MAP2K5: variants seen among roughly 807,000 people sequenced by gnomAD.
The protein encoded by MAP2K5 is dual specificity mitogen-activated protein kinase kinase 5.
In MAP2K5, 49 loss-of-function variants were observed where a neutral mutation model predicts 83.1. The ratio of observed to expected loss-of-function variants is 0.59; its 90% CI spans 0.47 to 0.75. The LOEUF (loss-of-function observed/expected upper bound fraction) is 0.75, where lower values mean the gene tolerates loss of function less well. Among genes scored for constraint, MAP2K5 ranks in the 30% least tolerant of loss-of-function variants. The pLI is 0.00. For missense variants in MAP2K5, 457 were observed against 557.5 expected (o/e 0.82, Z 1.82); for synonymous variants, 202 against 191.8 (o/e 1.05, Z -0.44).
Position 67,586,908 on chromosome 15 carries a change from C to T in MAP2K5, c.426C>T (p.Ser142=). 6.2e-7 allele frequency: 1 copy of T among 1,614,048 alleles called. No individual in the cohort carries two copies. The highest frequency in any genetic ancestry group is 8.5e-7 in the Non-Finnish European group (1 of 1,180,002). Residue 142 remains serine, a synonymous_variant, in exon 6 of 22, where the codon AGC becomes AGT. Transcript: ENST00000178640. ...SSPAVSDSLP[S]NSLKKSSAEL... is the part of the protein sequence containing the mutation. The stretch of plus-strand genomic sequence containing the variant: ...CAGCAGTCTCAGATTCACTTCCAAG[C>T]AATAGGTGCGAGCGAGCAAGTAAAG...
Position 67,783,637 on chromosome 15 carries a change from C to T in MAP2K5, c.1242+10885C>T, listed in dbSNP as rs62015218. On this transcript the variant is annotated intron_variant, in intron 21 of 21. Transcript: ENST00000178640. This position sits in a 1 kb window ranked among gnomAD's most constrained non-coding sequence, Gnocchi z 5.1. ...GTCAATAAAAGAGACCACAACCCCT[C>T]GAGGAAGAGATCATGTCTTATCTTT... Among the ~76,000 whole-genome samples, 4,643 of 152,212 alleles carry T rather than the reference C, an allele frequency of 0.031. 119 individuals carry two copies. Among genetic ancestry groups the T allele is most frequent in the African/African-American group, 0.068 (2,815 of 41,522 alleles).
chr15:67,608,205 G>T (rs1043007823), intron 8 of MAP2K5, among the ~76,000 whole-genome samples: 2 of 152,116 alleles, frequency 1.3e-5, no homozygotes, highest in African/African-American at 4.8e-5. Context: ...TAACATCAGG[G>T]ACTGACATAG....
intron 8 of MAP2K5, among the ~76,000 whole-genome samples, chr15:67,624,153 C>T (rs2086254527): frequency 1.3e-5 from 2 of 151,372 alleles, no homozygotes; most frequent in Admixed American, 1.3e-4. Flanking sequence ...TCCTGGCTAA[C>T]ACAGTGAAAC....
intron 3 of MAP2K5, among the ~76,000 whole-genome samples, chr15:67,566,745 A>G (rs949874626): frequency 1.3e-5 from 2 of 152,222 alleles, no homozygotes; most frequent in East Asian, 1.9e-4. Context: ...GGCCAGTACA[A>G]GTGTACATTT....
intron 8 of MAP2K5, among the ~76,000 whole-genome samples, chr15:67,626,286 G>A (rs2086319056): frequency 6.6e-6 from 1 of 152,136 alleles, no homozygotes; most frequent in Non-Finnish European, 1.5e-5. Flanking sequence ...AGTTTGGGAG[G>A]CCGAGGCTGG....
Position 67,806,915 on chromosome 15 carries a change from T to C in MAP2K5, c.*165T>C, listed in dbSNP as rs2090823752. The C allele has an allele frequency of 1.3e-6, 2 of 1,590,308 alleles. No homozygotes were observed. The highest frequency in any genetic ancestry group is 1.3e-5 in the African/African-American group (1 of 74,800). ...AGGTGGCCTTGCCTGGGGAGCCCCA[T>C]GTGTGGCCCACCCCACCAGGCCATC... On this transcript the variant is annotated 3_prime_UTR_variant, in exon 22 of 22. Coordinates refer to ENST00000178640, the MANE Select transcript of MAP2K5 (RefSeq NM_145160.3).
At chr15:67,627,633 C>T (rs969161085) in intron 8 of MAP2K5, among the ~76,000 whole-genome samples, 9 of 152,140 alleles carry the variant, frequency 5.9e-5, no homozygotes, top group Non-Finnish European at 7.3e-5. Context: ...CTCTTAATAA[C>T]TAAATCATTT....
At position 67,700,456 on chromosome 15, in the gene MAP2K5, A is replaced by C. The variant is rs80200213; in HGVS notation, c.973-2881A>C. Among the ~76,000 whole-genome samples the C allele has an allele frequency of 7.7e-3, 1,179 of 152,316 alleles. 8 individuals are homozygous for C. The highest frequency in any genetic ancestry group is 0.016 in the Admixed American group (251 of 15,296). ...AGCTGTCATGTGAGAGAGTAACCTCAGTTTTAGCTTTTTAACTGCTAAATA... is the reference window on the plus strand; with the variant it reads ...AGCTGTCATGTGAGAGAGTAACCTCCGTTTTAGCTTTTTAACTGCTAAATA... On this transcript the variant is annotated intron_variant, in intron 15 of 21. Transcript: ENST00000178640.
rs916435819 is a variant in MAP2K5 at position 67,750,074 on chromosome 15, T to C, written c.1134+1473T>C. On this transcript the variant is annotated intron_variant, in intron 19 of 21. Transcript: ENST00000178640. This position sits in a 1 kb window ranked among gnomAD's most constrained non-coding sequence, Gnocchi z 4.2. ...CATTCCTTATTTAAAGTAACAGTTATTGCTGTTCAATTTAAAATATCTTAC... is the reference window on the plus strand; with the variant it reads ...CATTCCTTATTTAAAGTAACAGTTACTGCTGTTCAATTTAAAATATCTTAC... 6.6e-6 allele frequency among the ~76,000 whole-genome samples: 1 copy of C among 152,262 alleles called. No homozygotes were observed. The highest frequency in any genetic ancestry group is 6.5e-5 in the Admixed American group (1 of 15,290).
At chr15:67,602,934 G>C (rs949696745) in intron 8 of MAP2K5, among the ~76,000 whole-genome samples, 1 of 152,216 alleles carries the variant, frequency 6.6e-6, no homozygotes, top group Non-Finnish European at 1.5e-5. Context: ...TTACAGGAGT[G>C]AGCCACCAGA....
rs867325181 is a variant in MAP2K5 at position 67,592,802 on chromosome 15, G to A, written c.432-124G>A. The A allele has an allele frequency of 2.6e-5, 17 of 663,062 alleles. No individual in the cohort carries two copies. The Middle Eastern group carries it at 9.9e-4, about 38-fold the overall frequency. 41.1% of individuals were successfully genotyped at this position (663,062 alleles called of 1,614,324 possible). A position where few individuals can be genotyped will look rare whatever the true frequency, so the allele number is the denominator to read the frequency against. On this transcript the variant is annotated intron_variant, in intron 6 of 21. Coordinates refer to ENST00000178640, the MANE Select transcript of MAP2K5 (RefSeq NM_145160.3). ...CTTTTGAAAAAAATTTACATTGGGA[G>A]AAGGATGTGAAGAATATGCTCAATC...
At chr15:67,612,713 A>G (rs2085955223) in intron 8 of MAP2K5, among the ~76,000 whole-genome samples, 1 of 152,222 alleles carries the variant, frequency 6.6e-6, no homozygotes, top group African/African-American at 2.4e-5. Context: ...GCCTCTCTCC[A>G]GCCTGACAAA....
chr15:67,683,215 A>G (rs1209844442), intron 13 of MAP2K5, among the ~76,000 whole-genome samples: 1 of 152,208 alleles, frequency 6.6e-6, no homozygotes, highest in African/African-American at 2.4e-5. Flanking sequence ...GCTATATACT[A>G]GGATTGTTGA....
chr15:67,686,036 T>C (rs1303135730), intron 13 of MAP2K5, among the ~76,000 whole-genome samples: 1 of 152,132 alleles, frequency 6.6e-6, no homozygotes, highest in Non-Finnish European at 1.5e-5. Flanking sequence ...TAGTAGAGAT[T>C]AGTGGAATGC....
At chr15:67,590,309 T>G (rs2085371107) in intron 6 of MAP2K5, among the ~76,000 whole-genome samples, 1 of 152,178 alleles carries the variant, frequency 6.6e-6, no homozygotes, top group Non-Finnish European at 1.5e-5. Flanking sequence ...AAATGTAACC[T>G]ATTAAAGGTG....
intron 11 of MAP2K5, among the ~76,000 whole-genome samples, chr15:67,657,238 A>G (rs2087106344): frequency 6.6e-6 from 1 of 152,156 alleles, no homozygotes; most frequent in Non-Finnish European, 1.5e-5. Flanking sequence ...GCCCTGATTT[A>G]TATCCTTGGT....
intron 16 of MAP2K5, among the ~76,000 whole-genome samples, chr15:67,707,196 T>G (rs1225743985): frequency 1.5e-4 from 23 of 152,232 alleles, no homozygotes. Flanking sequence ...ATTACAGGCG[T>G]GAGCCACCAT....
At chr15:67,642,049 T>G (rs530051379) in intron 9 of MAP2K5, among the ~76,000 whole-genome samples, 1 of 152,336 alleles carries the variant, frequency 6.6e-6, no homozygotes, top group Non-Finnish European at 1.5e-5. Context: ...TGGAATCTCC[T>G]CTATTCTAGA....
At chr15:67,675,914 A>C (rs1283877716) in intron 13 of MAP2K5, among the ~76,000 whole-genome samples, 1 of 152,150 alleles carries the variant, frequency 6.6e-6, no homozygotes, top group African/African-American at 2.4e-5. Context: ...TTAGAGGAGA[A>C]ATAAGGAAAG....
Sources: gnomAD v4.1 joint callset for allele counts (sites outside exome capture counted in the v4.1 genomes callset) on GRCh38, gnomAD v4.1.1 for gene constraint, Gnocchi (gnomAD v3.1) non-coding constraint, MANE v1.5 for transcripts, NCBI Gene and HGNC (gene_info 2026-07-23, HGNC 2026-07-21) for gene names.